SORCS2: variants seen among roughly 807,000 people sequenced by gnomAD.
SORCS2 encodes VPS10 domain-containing receptor SorCS2.
Under a neutral mutation model 141.6 loss-of-function variants are expected in SORCS2, and 100 were observed. That is an observed-to-expected ratio of 0.71 (90% CI 0.60 to 0.83). SORCS2 has a LOEUF of 0.83. Ranked by LOEUF, SORCS2 falls within the 40% of genes least tolerant of loss-of-function variation. The pLI, the probability that SORCS2 is intolerant of heterozygous loss-of-function variation, is 0.00. For synonymous variants in SORCS2, 789 were observed against 676.9 expected, an observed-to-expected ratio of 1.17 and a Z score of -2.57; for missense variants, 1,646 against 1,560.2, an observed-to-expected ratio of 1.05 and a Z score of -0.93.
chr4:7,210,629 G>C (rs13144866), intron 1 of SORCS2, among the ~76,000 whole-genome samples: 48,099 of 152,156 alleles, frequency 0.32, 8,282 homozygotes, highest in Non-Finnish European at 0.38. Context: ...CTGCAGGTGG[G>C]TGGTTGGTGA....
At chr4:7,654,371 C>G (rs945375294) in intron 5 of SORCS2, among the ~76,000 whole-genome samples, 164 bp downstream of exon 5, 3 of 152,210 alleles carry the variant, frequency 2.0e-5, no homozygotes, top group Admixed American at 2.0e-4. Flanking sequence ...TGCAGCCCCA[C>G]ACCCTCCTCA....
chr4:7,673,664 G>A (rs1312755848), intron 8 of SORCS2, among the ~76,000 whole-genome samples: 4 of 152,174 alleles, frequency 2.6e-5, no homozygotes, highest in African/African-American at 4.8e-5. Flanking sequence ...GTCACTTTAT[G>A]CATTTTTCTT....
intron 2 of SORCS2, among the ~76,000 whole-genome samples, chr4:7,491,660 G>A (rs4569755): frequency 0.33 from 50,146 of 152,176 alleles, 10,161 homozygotes; most frequent in East Asian, 0.6. Context: ...AGATGATAGC[G>A]GACAAGGCTT....
chr4:7,507,034 G>T (rs1212464002), intron 2 of SORCS2, among the ~76,000 whole-genome samples: 4 of 152,196 alleles, frequency 2.6e-5, no homozygotes, highest in African/African-American at 9.7e-5. Flanking sequence ...TGTGATCAGT[G>T]GCAGGAGGTT....
intron 3 of SORCS2, among the ~76,000 whole-genome samples, chr4:7,534,599 A>G (rs1711955970): frequency 6.6e-6 from 1 of 152,228 alleles, no homozygotes; most frequent in Admixed American, 6.5e-5. Context: ...GCTCAGTGTC[A>G]TCACAGGGTC....
At chr4:7,436,653 A>G (rs1233644939) in intron 2 of SORCS2, among the ~76,000 whole-genome samples, 1 of 152,160 alleles carries the variant, frequency 6.6e-6, no homozygotes, top group Non-Finnish European at 1.5e-5. Context: ...TAGAGCCGAC[A>G]TTGTCGTTTC....
intron 3 of SORCS2, among the ~76,000 whole-genome samples, chr4:7,630,110 T>C (rs1719785549): frequency 6.6e-6 from 1 of 152,102 alleles, no homozygotes; most frequent in African/African-American, 2.4e-5. Context: ...CAGTCAGAAG[T>C]TGACCAAGGC....
rs574189707 is a variant in SORCS2, at chr4:7,742,350, G to A, written c.*2086G>A. 2.0e-5 allele frequency: 3 copies of A among 152,368 alleles called. No homozygotes were observed. Among genetic ancestry groups the A allele is most frequent in the African/African-American group, 4.8e-5 (2 of 41,564 alleles). 9.4% of individuals were successfully genotyped at this position (152,368 alleles called of 1,614,324 possible). A position where few individuals can be genotyped will look rare whatever the true frequency, so the allele number is the denominator to read the frequency against. On this transcript the variant is annotated 3_prime_UTR_variant, in exon 27 of 27. Coordinates refer to ENST00000507866, the MANE Select transcript of SORCS2 (RefSeq NM_020777.3). Reference sequence around the variant, plus strand: ...CATGGCGAGCACAGTGCAGGCCCGGGGCCCACGGGCAACATGGAACCCTGG... The same window carrying A: ...CATGGCGAGCACAGTGCAGGCCCGGAGCCCACGGGCAACATGGAACCCTGG...
chr4:7,549,168 G>A (rs950765582), intron 3 of SORCS2, among the ~76,000 whole-genome samples: 1 of 152,134 alleles, frequency 6.6e-6, no homozygotes, highest in African/African-American at 2.4e-5. Context: ...CCCAGCAAGC[G>A]ATGCTGCTCT....
At chr4:7,305,096 A>G (rs1224443753) in intron 1 of SORCS2, among the ~76,000 whole-genome samples, 1 of 147,062 alleles carries the variant, frequency 6.8e-6, no homozygotes, top group African/African-American at 2.6e-5. Context: ...GCAGTGAGTG[A>G]TCTCAGCTCA....
chr4:7,204,899 C>T (rs986364953), intron 1 of SORCS2, among the ~76,000 whole-genome samples: 7 of 152,210 alleles, frequency 4.6e-5, no homozygotes, highest in Non-Finnish European at 8.8e-5. Flanking sequence ...GGCGCGGCCG[C>T]GCTTGCTAAG....
rs370832287 is a variant in SORCS2, at chr4:7,299,075, G to A, written c.481-97213G>A. Reference sequence around the variant, plus strand: ...TGGGTCCCCCAGCTCCCCCAGCTGGGCACATAAAGCCGGGGGTTGGTGGTG... The same window carrying A: ...TGGGTCCCCCAGCTCCCCCAGCTGGACACATAAAGCCGGGGGTTGGTGGTG... On this transcript the variant is annotated intron_variant, in intron 1 of 26. Coordinates refer to ENST00000507866, the MANE Select transcript of SORCS2 (RefSeq NM_020777.3). 3.4e-3 allele frequency among the ~76,000 whole-genome samples: 524 copies of A among 152,390 alleles called. 5 individuals are homozygous for A. Among genetic ancestry groups the A allele is most frequent in the African/African-American group, 0.012 (509 of 41,598 alleles).
At chr4:7,729,027 G>A (rs16840926) in intron 22 of SORCS2, among the ~76,000 whole-genome samples, 5,722 of 152,280 alleles carry the variant, frequency 0.038, 323 homozygotes, top group African/African-American at 0.12. Flanking sequence ...CTGGTAAAAG[G>A]GTCCTGGGCA....
intron 1 of SORCS2, among the ~76,000 whole-genome samples, chr4:7,360,613 C>T (rs1389879083): frequency 1.9e-5 from 2 of 103,932 alleles, no homozygotes; most frequent in East Asian, 6.4e-4. Context: ...GGGTCTCACT[C>T]TGTCTCCCAG....
chr4:7,447,385 G>A (rs771600521), intron 2 of SORCS2, among the ~76,000 whole-genome samples: 1 of 152,138 alleles, frequency 6.6e-6, no homozygotes, highest in African/African-American at 2.4e-5. Flanking sequence ...TAGAACATCC[G>A]GCTAAGTCCC....
chr4:7,216,018 A>G (rs1051966085), intron 1 of SORCS2, among the ~76,000 whole-genome samples: 7 of 152,044 alleles, frequency 4.6e-5, no homozygotes, highest in African/African-American at 1.7e-4. Context: ...CGCTCTTTGC[A>G]ATAAATCTTG....
At chr4:7,256,506 G>T (rs1013135459) in intron 1 of SORCS2, among the ~76,000 whole-genome samples, 11 of 152,130 alleles carry the variant, frequency 7.2e-5, no homozygotes, top group African/African-American at 2.7e-4. Flanking sequence ...GATATATTCA[G>T]TCATTCATTC....
At chr4:7,378,580 C>T (rs926451906) in intron 1 of SORCS2, among the ~76,000 whole-genome samples, 4 of 152,170 alleles carry the variant, frequency 2.6e-5, no homozygotes, top group African/African-American at 7.2e-5. Flanking sequence ...GGGGAATCCA[C>T]CCCCGTGATT....
At chr4:7,471,227 G>C (rs554213205) in intron 2 of SORCS2, among the ~76,000 whole-genome samples, 2 of 152,164 alleles carry the variant, frequency 1.3e-5, no homozygotes. Flanking sequence ...CCGCTTCCCC[G>C]CTCCGCTCAG....
Sources: gnomAD v4.1 joint callset for allele counts (sites outside exome capture counted in the v4.1 genomes callset) on GRCh38, gnomAD v4.1.1 for gene constraint, MANE v1.5 for transcripts, NCBI Gene and HGNC (gene_info 2026-07-23, HGNC 2026-07-21) for gene names.